BBS12: variants seen among roughly 807,000 people sequenced by gnomAD.
BBS12 encodes the protein Bardet-Biedl syndrome 12.
BBS12 carries 5 observed loss-of-function variants against 5.6 expected under a neutral mutation model. That is an observed-to-expected ratio of 0.89 (90% CI 0.46 to 1.86). The LOEUF (loss-of-function observed/expected upper bound fraction) is 1.86, where lower values mean the gene tolerates loss of function less well. BBS12 is among the 40% of genes most tolerant of loss of function. BBS12 has a pLI of 0.01. For missense variants in BBS12, 748 were observed against 830.4 expected (o/e 0.90, Z 1.22); for synonymous variants, 308 against 306.8 (o/e 1.00, Z -0.04).
At chr4:122,714,889 T>G in the BBS12 span, among the ~76,000 whole-genome samples, 1 of 152,146 alleles carries the variant, frequency 6.6e-6, no homozygotes, top group Non-Finnish European at 1.5e-5. Context: ...AAATAAGCAT[T>G]ATTTAGTACA....
the BBS12 span, among the ~76,000 whole-genome samples, chr4:122,725,456 C>A: frequency 4.9e-4 from 75 of 152,084 alleles, no homozygotes; most frequent in Non-Finnish European, 9.0e-4. Context: ...CAGAAATAAA[C>A]CCAAATACTT....
rs1424604685 is a variant in BBS12, at chr4:122,743,554, A to G, written c.1662A>G (p.Ala554=). ...FLCLSCLHIL[A]EQSLKKENHA... is the part of the protein sequence containing the mutation. ...GTCTTAGCTGTCTTCATATTCTTGC[A>G]GAGCAATCTCTGAAAAAAGAAAACC... Residue 554 remains alanine (A), a synonymous_variant, in exon 2 of 2, where the codon GCA becomes GCG. Transcript: ENST00000314218. 7 of 1,614,104 alleles carry G rather than the reference A, an allele frequency of 4.3e-6. No individual in the cohort carries two copies. In the African/African-American group the frequency reaches 8.0e-5, roughly 18 times the overall value.
At chr4:122,720,888 A>T in the BBS12 span, among the ~76,000 whole-genome samples, 2 of 48,566 alleles carry the variant, frequency 4.1e-5, no homozygotes, top group Non-Finnish European at 6.7e-5. Flanking sequence ...CACTCAGAAT[A>T]AAAAAAAAAA....
At chr4:122,735,843 G>C (rs1423248065) in intron 1 of BBS12, among the ~76,000 whole-genome samples, 1 of 152,158 alleles carries the variant, frequency 6.6e-6, no homozygotes, top group African/African-American at 2.4e-5. Context: ...TATTTTATAA[G>C]GGAATAAGTG....
the BBS12 span, among the ~76,000 whole-genome samples, chr4:122,708,016 C>T: frequency 4.6e-4 from 60 of 131,540 alleles, no homozygotes; most frequent in South Asian, 7.2e-4. Context: ...TTTTTCTTTC[C>T]TTTTTTTTTT....
At chr4:122,721,740 G>C in the BBS12 span, among the ~76,000 whole-genome samples, 2 of 152,130 alleles carry the variant, frequency 1.3e-5, no homozygotes. Context: ...TCCAAGGCTG[G>C]GTGCCAGGCT....
upstream of BBS12, among the ~76,000 whole-genome samples, chr4:122,727,795 G>A (rs190222164): frequency 3.5e-3 from 524 of 151,578 alleles, 10 homozygotes; most frequent in Admixed American, 0.033. Context: ...TGCCTCCCTC[G>A]GCCTCCCAAA....
chr4:122,704,750 C>T, the BBS12 span, among the ~76,000 whole-genome samples: 5 of 152,208 alleles, frequency 3.3e-5, no homozygotes, highest in East Asian at 1.9e-4. Flanking sequence ...TATCCCCAAA[C>T]ATGGACACCT....
the BBS12 span, among the ~76,000 whole-genome samples, chr4:122,718,663 C>A: frequency 6.6e-6 from 1 of 151,686 alleles, no homozygotes; most frequent in Non-Finnish European, 1.5e-5. Context: ...GGCTGCTAAA[C>A]TGGGCTAAGA....
chr4:122,716,651 GTATA>G, the BBS12 span, among the ~76,000 whole-genome samples: 6 of 92,176 alleles, frequency 6.5e-5, no homozygotes, highest in South Asian at 6.9e-4. Context: ...ACACGTGTGT[GTATA>G]TGCACATACA....
At chr4:122,727,255 A>AT in the BBS12 span, among the ~76,000 whole-genome samples, 1 of 152,040 alleles carries the variant, frequency 6.6e-6, no homozygotes, top group Non-Finnish European at 1.5e-5. Flanking sequence ...TTTATTTATT[A>AT]TTTTTTGGAG....
chr4:122,743,581 T>G lies in BBS12; in HGVS notation c.1689T>G (p.His563Gln). 2 of 1,614,204 alleles carry G rather than the reference T, an allele frequency of 1.2e-6. No individual in the cohort carries two copies. Among genetic ancestry groups the G allele is most frequent in the Non-Finnish European group, 1.7e-6 (2 of 1,180,030 alleles). ...AGCAATCTCTGAAAAAAGAAAACCA[T>G]GCCTGCTCAGGGTGGCTGCATAATA... The part of the protein sequence containing the change: ...LAEQSLKKEN[H>Q]ACSGWLHNTS... The change falls in exon 2 of 2, where the codon CAT becomes CAG. Residue 563 changes from histidine to glutamine, a missense_variant. His to Gln is a conservative substitution (Grantham distance 24, BLOSUM62 0). Transcript: ENST00000314218.
chr4:122,733,216 G>A (rs1276768959), intron 1 of BBS12, among the ~76,000 whole-genome samples: 2 of 152,146 alleles, frequency 1.3e-5, no homozygotes, highest in East Asian at 3.8e-4. Context: ...CAGTGTCGTT[G>A]GAGGGACGTG....
chr4:122,729,631 G>C (rs1228366907), upstream of BBS12: 2 of 152,158 alleles, frequency 1.3e-5, no homozygotes, highest in African/African-American at 4.8e-5. Flanking sequence ...CTTCCAACTT[G>C]TAATATGTTT....
chr4:122,700,767 T>C, the BBS12 span, among the ~76,000 whole-genome samples: 2 of 152,204 alleles, frequency 1.3e-5, no homozygotes, highest in South Asian at 2.1e-4. Flanking sequence ...TTGTTGTTTA[T>C]TTCTCCTCTA....
the BBS12 span, among the ~76,000 whole-genome samples, chr4:122,711,307 G>A: frequency 6.6e-6 from 1 of 151,908 alleles, no homozygotes; most frequent in African/African-American, 2.4e-5. Flanking sequence ...TGAAAGAGAG[G>A]GCATCTGATG....
the BBS12 span, among the ~76,000 whole-genome samples, chr4:122,710,057 A>AAAG: frequency 6.6e-6 from 1 of 152,176 alleles, no homozygotes; most frequent in Non-Finnish European, 1.5e-5. Flanking sequence ...TTGATATATA[A>AAAG]AAGTGCTCAA....
upstream of BBS12, among the ~76,000 whole-genome samples, chr4:122,728,347 A>G (rs1800651422): frequency 6.6e-6 from 1 of 152,174 alleles, no homozygotes; most frequent in African/African-American, 2.4e-5. Flanking sequence ...TTTTATTTGT[A>G]TTGTTATGCA....
At chr4:122,733,112 A>C (rs758405903) in intron 1 of BBS12, among the ~76,000 whole-genome samples, 2 of 152,064 alleles carry the variant, frequency 1.3e-5, no homozygotes, top group African/African-American at 4.8e-5. Context: ...CAGTGCCTGG[A>C]GCTGGGCCTT....
Sources: gnomAD v4.1 joint callset for allele counts (sites outside exome capture counted in the v4.1 genomes callset) on GRCh38, gnomAD v4.1.1 for gene constraint, MANE v1.5 for transcripts, NCBI Gene and HGNC (gene_info 2026-07-23, HGNC 2026-07-21) for gene names.